The following SPON2 variants were observed in gnomAD, a reference collection of about 807,000 sequenced individuals.
The protein encoded by SPON2 is spondin-2.
A neutral mutation model predicts 29.9 loss-of-function variants in SPON2; 32 were observed. The ratio of observed to expected loss-of-function variants is 1.07; its 90% confidence interval spans 0.81 to 1.44. The LOEUF is 1.44. Ranked by LOEUF, SPON2 falls within the 40% of genes most tolerant of loss-of-function variation. The probability of loss-of-function intolerance (pLI) is 0.00; values close to 1 mark genes in which losing one functional copy is unlikely to be tolerated. For missense variants in SPON2, 541 were observed against 455.5 expected (o/e 1.19, Z -1.71); for synonymous variants, 248 against 209.1 (o/e 1.19, Z -1.61).
chr4:1,197,585 C>G (rs1728096977), upstream of SPON2, among the ~76,000 whole-genome samples: 1 of 151,914 alleles, frequency 6.6e-6, no homozygotes, highest in Non-Finnish European at 1.5e-5. Flanking sequence ...TTGTGCCACC[C>G]TAAGAAACTA....
chr4:1,201,011 T>TA (rs1728188592), intron 1 of SPON2: 5 of 456,682 alleles, frequency 1.1e-5, no homozygotes, highest in Middle Eastern at 3.3e-4. Flanking sequence ...TGTGGACTGT[T>TA]CCCACCATAC....
chr4:1,192,721 C>T (rs1453392386), intron 1 of SPON2, among the ~76,000 whole-genome samples: 1 of 152,172 alleles, frequency 6.6e-6, no homozygotes, highest in Non-Finnish European at 1.5e-5. Flanking sequence ...GTACGGCCAT[C>T]CTGCTGGAAG....
chr4:1,167,796 G>C, intron 5 of SPON2, 140 bp from the exon 6 acceptor site: 1 of 837,042 alleles, frequency 1.2e-6, no homozygotes, highest in Non-Finnish European at 1.8e-6. Context: ...TCTCCGCACA[G>C]TCGCAGAGTG....
At chr4:1,178,058 C>T (rs541577287), upstream of SPON2, among the ~76,000 whole-genome samples, 216 of 148,146 alleles carry the variant, frequency 1.5e-3, 3 homozygotes, top group Middle Eastern at 7.1e-3. Flanking sequence ...GCTCTGCACA[C>T]ACTGAGGGCC....
chr4:1,185,436 A>G (rs1727773437), intron 1 of SPON2, among the ~76,000 whole-genome samples: 1 of 151,496 alleles, frequency 6.6e-6, no homozygotes, highest in South Asian at 2.1e-4. Context: ...AAAAGAATGA[A>G]GTTGGTCAAG....
At chr4:1,171,705 C>T (rs1727456058) in intron 2 of SPON2, 147 bp downstream of exon 2, 2 of 782,610 alleles carry the variant, frequency 2.6e-6, no homozygotes, top group Non-Finnish European at 4.2e-6. Flanking sequence ...AACCGCACAC[C>T]GCAGGCGCTC....
chr4:1,200,954 A>C (rs1225304637), intron 1 of SPON2: 1 of 456,704 alleles, frequency 2.2e-6, no homozygotes, highest in Admixed American at 2.3e-5. Flanking sequence ...GCTCTGTTGC[A>C]GCAGACCTGT....
chr4:1,181,247 T>C (rs1194184973), intron 1 of SPON2, among the ~76,000 whole-genome samples: 1 of 151,396 alleles, frequency 6.6e-6, no homozygotes, highest in African/African-American at 2.4e-5. Context: ...TTAAACACAT[T>C]GGAAAAAAAA....
chr4:1,196,178 A>C (rs1385926386), upstream of SPON2, among the ~76,000 whole-genome samples: 1 of 152,206 alleles, frequency 6.6e-6, no homozygotes, highest in Non-Finnish European at 1.5e-5. Context: ...GTCAGGGCTC[A>C]TGGGGGAGGC....
At chr4:1,205,884 C>T (rs1228757274) in intron 1 of SPON2, among the ~76,000 whole-genome samples, 1 of 152,170 alleles carries the variant, frequency 6.6e-6, no homozygotes, top group East Asian at 1.9e-4. Context: ...GCCTCTGAGA[C>T]CTCCTCGCTC....
At chr4:1,207,206 G>A (rs1271069694) in intron 1 of SPON2, among the ~76,000 whole-genome samples, 1 of 152,176 alleles carries the variant, frequency 6.6e-6, no homozygotes, top group Non-Finnish European at 1.5e-5. Flanking sequence ...CCCGCCAGGT[G>A]TGACTGCCCA....
intron 5 of SPON2, among the ~76,000 whole-genome samples, chr4:1,169,566 C>T (rs1577896141): frequency 6.6e-6 from 1 of 152,182 alleles, no homozygotes; most frequent in Admixed American, 6.5e-5. Context: ...CTCAAGACGA[C>T]ATCTGTCCCT....
intron 1 of SPON2, among the ~76,000 whole-genome samples, chr4:1,181,317 G>C (rs1727696952): frequency 6.6e-6 from 1 of 152,132 alleles, no homozygotes; most frequent in Non-Finnish European, 1.5e-5. Context: ...GACATTCTCA[G>C]GTAAATCAAA....
At chr4:1,203,317 T>C (rs1230839962) in intron 1 of SPON2, among the ~76,000 whole-genome samples, 1 of 152,234 alleles carries the variant, frequency 6.6e-6, no homozygotes, top group East Asian at 1.9e-4. Flanking sequence ...ACCGTGGACC[T>C]GCCCATTCCA....
At chr4:1,172,409 C>CG (rs1214032792) in intron 1 of SPON2, 135 bp downstream of exon 1, 2 of 442,828 alleles carry the variant, frequency 4.5e-6, no homozygotes, top group African/African-American at 4.0e-5. Context: ...TGGCTGCCCC[C>CG]GGGACTAGAC....
intron 1 of SPON2, among the ~76,000 whole-genome samples, chr4:1,191,263 GTA>G (rs1195999134): frequency 2.0e-5 from 3 of 151,978 alleles, no homozygotes; most frequent in African/African-American, 7.3e-5. Flanking sequence ...TTAAGGCTAG[GTA>G]TAGAGACAAT....
chr4:1,172,840 CT>C (rs1727502332), upstream of SPON2: 2 of 149,942 alleles, frequency 1.3e-5, no homozygotes, highest in African/African-American at 4.9e-5. Context: ...CTTTCTTTGT[CT>C]GTCTGTCCTA....
intron 1 of SPON2, among the ~76,000 whole-genome samples, chr4:1,185,294 T>C (rs1355469490): frequency 6.6e-6 from 1 of 151,602 alleles, no homozygotes; most frequent in South Asian, 2.1e-4. Context: ...CAGGCTGGTC[T>C]TGAACTCCTT....
At chr4:1,201,083 C>T (rs560415227) in intron 1 of SPON2, 5 of 452,886 alleles carry the variant, frequency 1.1e-5, no homozygotes, top group East Asian at 7.0e-5. Context: ...TGGCCTGGGG[C>T]GCCCATGGAT....
Sources: allele counts gnomAD v4.1 joint callset (sites outside exome capture counted in the v4.1 genomes callset), GRCh38; gene constraint gnomAD v4.1.1; transcripts MANE v1.5; gene names NCBI Gene and HGNC (gene_info 2026-07-23, HGNC 2026-07-21).